SHISA6: variants seen among roughly 807,000 people sequenced by gnomAD.
SHISA6 encodes the protein protein shisa-6.
Under a neutral mutation model 47.9 loss-of-function variants are expected in SHISA6, and 22 were observed. The ratio of observed to expected loss-of-function variants is 0.46; its 90% confidence interval spans 0.33 to 0.66. The LOEUF is 0.66. SHISA6 is among the 30% of genes least tolerant of loss of function. The pLI is 0.02. For missense variants in SHISA6, 680 were observed against 764.6 expected (o/e 0.89, Z 1.30); for synonymous variants, 388 against 337.8 (o/e 1.15, Z -1.63).
chr17:11,263,234 G>A (rs1314369895), intron 1 of SHISA6, 132 bp from the exon 2 acceptor site: 7 of 938,438 alleles, frequency 7.5e-6, no homozygotes, highest in Admixed American at 2.3e-5. Flanking sequence ...GCTGACTATT[G>A]AGAGCTGAAT....
chr17:11,495,596 A>G (rs968495521), intron 3 of SHISA6, among the ~76,000 whole-genome samples: 2 of 152,162 alleles, frequency 1.3e-5, no homozygotes, highest in African/African-American at 2.4e-5. Flanking sequence ...GGTTCCTCTT[A>G]GGGTGGCTGC....
At chr17:11,368,643 C>T (rs748803639) in intron 2 of SHISA6, among the ~76,000 whole-genome samples, 93 of 151,778 alleles carry the variant, frequency 6.1e-4, no homozygotes, top group Admixed American at 1.9e-3. Context: ...TTTTGTTTTT[C>T]GTTTGTTCGG....
At chr17:11,439,334 T>G (rs1364882035) in intron 3 of SHISA6, among the ~76,000 whole-genome samples, 1 of 151,928 alleles carries the variant, frequency 6.6e-6, no homozygotes, top group African/African-American at 2.4e-5. Context: ...CATCTACGGG[T>G]GGGGGGCAGT....
intron 2 of SHISA6, among the ~76,000 whole-genome samples, chr17:11,328,063 G>A (rs774137000): frequency 6.6e-6 from 1 of 151,846 alleles, no homozygotes; most frequent in Non-Finnish European, 1.5e-5. Context: ...TATTTCTTCG[G>A]CAATTACTAG....
intron 3 of SHISA6, among the ~76,000 whole-genome samples, chr17:11,539,394 A>G (rs1038543500): frequency 6.6e-6 from 1 of 152,266 alleles, no homozygotes; most frequent in African/African-American, 2.4e-5. Flanking sequence ...AATGGCAGAC[A>G]CCAAATCACC....
intron 3 of SHISA6, among the ~76,000 whole-genome samples, chr17:11,413,101 C>T (rs1465723939): frequency 6.6e-6 from 1 of 152,140 alleles, no homozygotes; most frequent in Non-Finnish European, 1.5e-5. Flanking sequence ...TGGCTTCCTC[C>T]ACACACAGAT....
intron 3 of SHISA6, among the ~76,000 whole-genome samples, chr17:11,462,172 C>T (rs1264163860): frequency 1.3e-5 from 2 of 152,162 alleles, no homozygotes; most frequent in African/African-American, 4.8e-5. Flanking sequence ...TGCTTTCCCT[C>T]CCCCTCTTGC....
chr17:11,350,185 T>TC (rs770023770), intron 2 of SHISA6, among the ~76,000 whole-genome samples: 1 of 118,484 alleles, frequency 8.4e-6, no homozygotes, highest in Non-Finnish European at 1.8e-5. Context: ...TTTATTTATT[T>TC]TTTTTTTTTT....
At position 11,561,098 on chromosome 17, in the gene SHISA6, A is replaced by G. The variant is rs541781543; in HGVS notation, c.*2794A>G. The G allele has an allele frequency of 6.6e-6, 1 of 152,318 alleles. No individual in the cohort carries two copies. Among genetic ancestry groups the G allele is most frequent in the South Asian group, 2.1e-4 (1 of 4,826 alleles). 9.4% of individuals were successfully genotyped at this position (152,318 alleles called of 1,614,324 possible). On this transcript the variant is annotated 3_prime_UTR_variant, in exon 6 of 6. Coordinates refer to ENST00000441885, the MANE Select transcript of SHISA6 (RefSeq NM_207386.4). ...TCATGGAACAAGCAAAGCCACATCA[A>G]TAGGCAAGTTCACGTAGCAGATAAA...
At chr17:11,529,990 TTGGCAG>T (rs915575178) in intron 3 of SHISA6, among the ~76,000 whole-genome samples, 2 of 152,164 alleles carry the variant, frequency 1.3e-5, no homozygotes, top group African/African-American at 4.8e-5. Flanking sequence ...ACGTTTCTAG[TTGGCAG>T]TGACCTCCCC....
Position 11,493,780 on chromosome 17 carries a change from G to A in SHISA6, c.896-58116G>A, listed in dbSNP as rs145226946. On this transcript the variant is annotated intron_variant, in intron 3 of 5. Coordinates refer to ENST00000441885, the MANE Select transcript of SHISA6 (RefSeq NM_207386.4). Reference sequence around the variant, plus strand: ...CTCTACAGAGCTGACAAGGGTAGGGGTCTCCTTGGAAACCCTGGCATTTTG... The same window carrying A: ...CTCTACAGAGCTGACAAGGGTAGGGATCTCCTTGGAAACCCTGGCATTTTG... 2.2e-3 allele frequency among the ~76,000 whole-genome samples: 334 copies of A among 152,304 alleles called. 1 individual carries two copies. Among genetic ancestry groups the A allele is most frequent in the African/African-American group, 7.4e-3 (306 of 41,570 alleles).
intron 2 of SHISA6, among the ~76,000 whole-genome samples, chr17:11,364,333 T>C (rs1912378222): frequency 6.6e-6 from 1 of 152,222 alleles, no homozygotes; most frequent in African/African-American, 2.4e-5. Context: ...ATCAAATAGC[T>C]TGGCCTAATT....
intron 3 of SHISA6, among the ~76,000 whole-genome samples, chr17:11,506,306 T>C (rs2071498604): frequency 6.6e-6 from 1 of 152,124 alleles, no homozygotes; most frequent in East Asian, 1.9e-4. Flanking sequence ...CTCTCTCCCT[T>C]CCTCTTTCCT....
In SHISA6 at chr17:11,263,511, G is replaced by T. The variant is rs1168277945; in HGVS notation, c.784G>T (p.Ala262Ser). The change falls in exon 2 of 6, where the codon GCC becomes TCC. Residue 262 changes from alanine (A) to serine (S), a missense_variant. Around this residue, in one of 2 missense-constraint regions of SHISA6, gnomAD observed 559 missense variants for 674.1 expected, o/e 0.83. Coordinates refer to ENST00000441885, the MANE Select transcript of SHISA6 (RefSeq NM_207386.4). ...AAACCACTACACTCCTGTGCGTACGGCCAAGCAGACTCCAGGTAAGTAACA... is the reference window on the plus strand; with the variant it reads ...AAACCACTACACTCCTGTGCGTACGTCCAAGCAGACTCCAGGTAAGTAACA... ...SKNHYTPVRT[A>S]KQTPGHYGKD... 1.9e-6 allele frequency: 3 copies of T among 1,551,546 alleles called. No individual in the cohort carries two copies. The East Asian group carries it at 7.3e-5, about 38-fold the overall frequency.
chr17:11,398,785 G>T (rs949823902), intron 3 of SHISA6, among the ~76,000 whole-genome samples: 1 of 151,954 alleles, frequency 6.6e-6, no homozygotes, highest in Non-Finnish European at 1.5e-5. Context: ...TAGATATGGG[G>T]TTTCACCATG....
intron 2 of SHISA6, among the ~76,000 whole-genome samples, chr17:11,316,160 T>TTTAA (rs34646501): frequency 6.6e-4 from 99 of 149,716 alleles, no homozygotes; most frequent in African/African-American, 1.4e-3. Context: ...ATAGTGTTTT[T>TTTAA]AAAAAAAAAA....
chr17:11,409,482 G>T (rs1914055387), intron 3 of SHISA6, among the ~76,000 whole-genome samples: 1 of 151,924 alleles, frequency 6.6e-6, no homozygotes, highest in Non-Finnish European at 1.5e-5. Flanking sequence ...GAGGCGGGCG[G>T]ATCACGAAGT....
At chr17:11,453,954 C>A (rs1211840439) in intron 3 of SHISA6, among the ~76,000 whole-genome samples, 1 of 152,194 alleles carries the variant, frequency 6.6e-6, no homozygotes, top group Non-Finnish European at 1.5e-5. Context: ...ATTTAGGGTA[C>A]AAGCTTTTGT....
intron 3 of SHISA6, among the ~76,000 whole-genome samples, chr17:11,504,273 C>G (rs970796332): frequency 6.6e-6 from 1 of 152,140 alleles, no homozygotes; most frequent in Non-Finnish European, 1.5e-5. Context: ...AGAAATCAAA[C>G]AGCTCTTAGT....
Sources: allele counts gnomAD v4.1 joint callset (sites outside exome capture counted in the v4.1 genomes callset), GRCh38; gene constraint gnomAD v4.1.1; regional missense constraint gnomAD v4.1.1; transcripts MANE v1.5; gene names NCBI Gene and HGNC (gene_info 2026-07-23, HGNC 2026-07-21).